Variants in POU2F1 observed in about 807,000 individuals in gnomAD.
POU2F1 encodes POU class 2 homeobox 1.
Under a neutral mutation model 84.9 loss-of-function variants are expected in POU2F1, and 16 were observed. The observed-to-expected ratio is 0.19, with a 90% confidence interval of 0.13 to 0.29. The LOEUF is 0.29. POU2F1 is among the 10% of genes least tolerant of loss of function. POU2F1 has a pLI of 1.00. For synonymous variants in POU2F1, 368 were observed against 368.3 expected (o/e 1.00, Z 0.01); for missense variants, 738 against 942.6 (o/e 0.78, Z 2.84).
At position 167,413,113 on chromosome 1, in the gene POU2F1, AG is replaced by A; in HGVS notation, c.1990+1del. On this transcript the variant is annotated frameshift_variant and splice_region_variant, in exon 15 of 16. Coordinates refer to ENST00000367866, the MANE Select transcript of POU2F1 (RefSeq NM_002697.4). LOFTEE classifies it high-confidence loss of function. ...GCAACAGTACACTGGCAACTATTCA[AG>A]GTCAGTAGAAGCCTTTTTCTTAATT... ...MSNSTLATIQ[A>X]LASGGSLPIT... The A allele has an allele frequency of 6.2e-7, 1 of 1,610,924 alleles. No individual in the cohort carries two copies. The highest frequency in any genetic ancestry group is 8.5e-7 in the Non-Finnish European group (1 of 1,177,200).
chr1:167,427,152 C>G lies in POU2F1; in HGVS notation c.*11342C>G, dbSNP rs1651007126. 1 of 152,112 alleles carries G rather than the reference C, an allele frequency of 6.6e-6. No individual in the cohort carries two copies. Among genetic ancestry groups the G allele is most frequent in the Non-Finnish European group, 1.5e-5 (1 of 67,976 alleles). The allele number at this position is 152,112 out of a possible 1,614,324, so 9.4% of individuals were successfully genotyped here. A position where few individuals can be genotyped will look rare whatever the true frequency, so the allele number is the denominator to read the frequency against. On this transcript the variant is annotated 3_prime_UTR_variant, in exon 16 of 16. Transcript: ENST00000367866. ...AGTGCCCTTTAGATGATTCCCCCTC[C>G]TAGGGCTGCCTGCAGGGGCTGTAGG...
chr1:167,362,666 C>A (rs1659419538), intron 2 of POU2F1, among the ~76,000 whole-genome samples: 1 of 152,176 alleles, frequency 6.6e-6, no homozygotes, highest in Non-Finnish European at 1.5e-5. Flanking sequence ...GGAAAGCTAC[C>A]CACTGGCTCT....
intron 1 of POU2F1, among the ~76,000 whole-genome samples, chr1:167,266,253 C>T (rs1651942190): frequency 6.6e-6 from 1 of 152,172 alleles, no homozygotes; most frequent in East Asian, 1.9e-4. Context: ...GGAGCATACC[C>T]TTTAAATCTC....
rs1651009233 is a variant in POU2F1, at chr1:167,427,167, G to T, written c.*11357G>T. The T allele has an allele frequency of 1.3e-5, 2 of 152,210 alleles. No homozygotes were observed. Among genetic ancestry groups the T allele is most frequent in the African/African-American group, 4.8e-5 (2 of 41,444 alleles). The allele number at this position is 152,210 out of a possible 1,614,324, so 9.4% of individuals were successfully genotyped here. ...ATTCCCCCTCCTAGGGCTGCCTGCA[G>T]GGGCTGTAGGCTTGGGAAAGATTGT... On this transcript the variant is annotated 3_prime_UTR_variant, in exon 16 of 16. Coordinates refer to ENST00000367866, the MANE Select transcript of POU2F1 (RefSeq NM_002697.4).
At chr1:167,301,594 A>G (rs902081842) in intron 1 of POU2F1, among the ~76,000 whole-genome samples, 4 of 152,160 alleles carry the variant, frequency 2.6e-5, no homozygotes, top group African/African-American at 9.7e-5. Flanking sequence ...ATTTGCATCC[A>G]GTTTAAGTTG....
chr1:167,343,951 T>C (rs1040543135), intron 2 of POU2F1, among the ~76,000 whole-genome samples: 2 of 149,984 alleles, frequency 1.3e-5, no homozygotes, highest in Admixed American at 1.3e-4. Flanking sequence ...GGGAGGAGAG[T>C]GGAATCAGCC....
intron 1 of POU2F1, among the ~76,000 whole-genome samples, chr1:167,292,051 GTACACAAATATTTATAT>G (rs1653961552): frequency 6.6e-6 from 1 of 152,028 alleles, no homozygotes; most frequent in Non-Finnish European, 1.5e-5. Flanking sequence ...GTGTGTCTGT[GTACACAAATATTTATAT>G]TACCGTGTCT....
chr1:167,274,576 C>T (rs542662489), intron 1 of POU2F1, among the ~76,000 whole-genome samples: 8 of 152,126 alleles, frequency 5.3e-5, no homozygotes, highest in African/African-American at 1.9e-4. Context: ...ATGAATTTTG[C>T]TATGTATTGG....
At chr1:167,372,716 T>A (rs972703886) in intron 5 of POU2F1, among the ~76,000 whole-genome samples, 1 of 152,230 alleles carries the variant, frequency 6.6e-6, no homozygotes, top group Non-Finnish European at 1.5e-5. Context: ...CTGTCATTTA[T>A]TTTTTATGGT....
At chr1:167,245,735 T>G (rs1356274112) in intron 1 of POU2F1, among the ~76,000 whole-genome samples, 1 of 152,162 alleles carries the variant, frequency 6.6e-6, no homozygotes, top group Non-Finnish European at 1.5e-5. Context: ...AAAAAAACTT[T>G]TTTTGTAGAG....
chr1:167,426,860 A>G lies in POU2F1; in HGVS notation c.*11050A>G, dbSNP rs1194726968. Reference sequence around the variant, plus strand: ...GGGAGTCCTTCTACATTTCTCTTAGATAACTCTGCACTCTGGGTGGCTATT... The same window carrying G: ...GGGAGTCCTTCTACATTTCTCTTAGGTAACTCTGCACTCTGGGTGGCTATT... On this transcript the variant is annotated 3_prime_UTR_variant, in exon 16 of 16. Transcript: ENST00000367866. 2.6e-5 allele frequency: 4 copies of G among 152,152 alleles called. No homozygotes were observed. The highest frequency in any genetic ancestry group is 6.5e-5 in the Admixed American group (1 of 15,276). The allele number at this position is 152,152 out of a possible 1,614,324, so 9.4% of individuals were successfully genotyped here.
At chr1:167,300,560 G>A (rs1300215804) in intron 1 of POU2F1, among the ~76,000 whole-genome samples, 1 of 152,134 alleles carries the variant, frequency 6.6e-6, no homozygotes, top group Non-Finnish European at 1.5e-5. Context: ...CGCCTCCCAG[G>A]TTCAAGCGAT....
intron 15 of POU2F1, chr1:167,414,301 T>C: frequency 2.0e-6 from 2 of 983,776 alleles, no homozygotes; most frequent in Non-Finnish European, 2.4e-6. Flanking sequence ...CTGTGCTGTG[T>C]TGATACTACA....
chr1:167,242,721 T>A (rs1650000911), intron 1 of POU2F1, among the ~76,000 whole-genome samples: 1 of 152,230 alleles, frequency 6.6e-6, no homozygotes, highest in South Asian at 2.1e-4. Flanking sequence ...TTGTTTTTAC[T>A]AGCAAAGTAA....
In POU2F1 at chr1:167,352,916, A is replaced by G. The variant is rs184710665; in HGVS notation, c.128-12551A>G. Among the ~76,000 whole-genome samples, 10 of 152,374 alleles carry G rather than the reference A, an allele frequency of 6.6e-5. No individual in the cohort carries two copies. In the East Asian group the frequency reaches 1.9e-3, roughly 29 times the overall value. ...TGCTTTTGGGTTAGAGAGATGGGAA[A>G]CATGAAAGAAAATAGCATTTGAGCT... On this transcript the variant is annotated intron_variant, in intron 2 of 15. Coordinates refer to ENST00000367866, the MANE Select transcript of POU2F1 (RefSeq NM_002697.4).
At chr1:167,306,275 C>G (rs1348650507) in intron 1 of POU2F1, among the ~76,000 whole-genome samples, 1 of 152,022 alleles carries the variant, frequency 6.6e-6, no homozygotes, top group South Asian at 2.1e-4. Flanking sequence ...AAAAAGAAAA[C>G]CACTAGTACT....
At position 167,374,264 on chromosome 1, in the gene POU2F1, A is replaced by T; in HGVS notation, c.559A>T (p.Ile187Phe). Residue 187 changes from isoleucine (I) to phenylalanine (F), a missense_variant, in exon 6 of 16, where the codon ATC becomes TTC. Around this residue, in one of 4 missense-constraint regions of POU2F1, gnomAD observed 163 missense variants for 214.4 expected, o/e 0.76. Coordinates refer to ENST00000367866, the MANE Select transcript of POU2F1 (RefSeq NM_002697.4). ...CTCTGCTGCCACGCCCATGACGCAG[A>T]TCCCCCTGTCTCAGCCCATACAGAT... ...SASAATPMTQ[I>F]PLSQPIQIAQ... 6.2e-7 allele frequency: 1 copy of T among 1,612,992 alleles called. No homozygotes were observed. The highest frequency in any genetic ancestry group is 8.5e-7 in the Non-Finnish European group (1 of 1,179,628).
At chr1:167,232,325 C>T (rs1649124400) in intron 1 of POU2F1, among the ~76,000 whole-genome samples, 1 of 152,160 alleles carries the variant, frequency 6.6e-6, no homozygotes, top group South Asian at 2.1e-4. Flanking sequence ...ATTCCTATCT[C>T]CTAGTGACAT....
chr1:167,233,948 T>C (rs1410596977), intron 1 of POU2F1, among the ~76,000 whole-genome samples: 1 of 152,258 alleles, frequency 6.6e-6, no homozygotes, highest in Non-Finnish European at 1.5e-5. Context: ...GCATTTATGT[T>C]AATTACAGTG....
Sources: allele counts gnomAD v4.1 joint callset (sites outside exome capture counted in the v4.1 genomes callset), GRCh38; gene constraint gnomAD v4.1.1; regional missense constraint gnomAD v4.1.1; transcripts MANE v1.5; gene names NCBI Gene and HGNC (gene_info 2026-07-23, HGNC 2026-07-21).